LRRC69: variants seen among roughly 807,000 people sequenced by gnomAD.
The protein encoded by LRRC69 is leucine-rich repeat-containing protein 69.
Under a neutral mutation model 37.8 loss-of-function variants are expected in LRRC69, and 42 were observed. The observed-to-expected ratio is 1.11, with a 90% CI of 0.87 to 1.44. The LOEUF (loss-of-function observed/expected upper bound fraction) is 1.44, where lower values mean the gene tolerates loss of function less well. Ranked by LOEUF, LRRC69 falls within the 40% of genes most tolerant of loss-of-function variation. LRRC69 has a pLI of 0.00. For missense variants in LRRC69, 357 were observed against 401.9 expected (o/e 0.89, Z 0.96); for synonymous variants, 141 against 143.1 (o/e 0.99, Z 0.11).
chr8:91,157,451 T>C (rs1397432059), intron 5 of LRRC69: 15 of 1,605,388 alleles, frequency 9.3e-6, no homozygotes, highest in Non-Finnish European at 1.0e-5. Flanking sequence ...ATTGGGCCAA[T>C]GAAAATATGC....
chr8:91,133,968 T>C (rs1349554642), intron 4 of LRRC69, among the ~76,000 whole-genome samples: 1 of 151,954 alleles, frequency 6.6e-6, no homozygotes, highest in Non-Finnish European at 1.5e-5. Context: ...ATATATTTTA[T>C]CTGGTAACGA....
At chr8:91,217,405 G>T (rs976945137) in intron 7 of LRRC69, among the ~76,000 whole-genome samples, 2 of 152,044 alleles carry the variant, frequency 1.3e-5, no homozygotes, top group Non-Finnish European at 1.5e-5. Flanking sequence ...CTTTGTTTTG[G>T]CTTTGTTTTC....
At chr8:91,123,308 A>G (rs1232523452) in intron 1 of LRRC69, among the ~76,000 whole-genome samples, 1 of 152,098 alleles carries the variant, frequency 6.6e-6, no homozygotes, top group Non-Finnish European at 1.5e-5. Flanking sequence ...TGGATAAAAT[A>G]GCTACATGAA....
chr8:91,159,104 T>C (rs900001536), intron 5 of LRRC69, among the ~76,000 whole-genome samples: 2 of 151,270 alleles, frequency 1.3e-5, no homozygotes, highest in Non-Finnish European at 3.0e-5. Context: ...TTAAGGTTCA[T>C]TGAAATGTTT....
intron 1 of LRRC69, among the ~76,000 whole-genome samples, chr8:91,108,773 A>C (rs185959096): frequency 3.3e-4 from 50 of 152,074 alleles, no homozygotes; most frequent in African/African-American, 1.1e-3. Context: ...CATTAGTATT[A>C]GTGTATTTCA....
intron 7 of LRRC69, among the ~76,000 whole-genome samples, chr8:91,207,929 A>C (rs899617275): frequency 5.3e-5 from 8 of 152,222 alleles, no homozygotes; most frequent in African/African-American, 1.9e-4. Context: ...TAGAAGTCTG[A>C]GAGCAAGGTG....
At chr8:91,163,725 C>G (rs931033331) in intron 5 of LRRC69, among the ~76,000 whole-genome samples, 6 of 151,298 alleles carry the variant, frequency 4.0e-5, no homozygotes, top group African/African-American at 1.2e-4. Flanking sequence ...TAAATTTTAT[C>G]AGGTAGTTAA....
chr8:91,151,005 T>C (rs985277181), intron 5 of LRRC69, among the ~76,000 whole-genome samples: 9 of 152,080 alleles, frequency 5.9e-5, no homozygotes, highest in African/African-American at 1.7e-4. Flanking sequence ...GCTAGTGGTC[T>C]ATCAATTTTG....
chr8:91,206,720 A>T, intron 7 of LRRC69: 7 of 1,289,774 alleles, frequency 5.4e-6, no homozygotes, highest in Non-Finnish European at 7.1e-6. Context: ...AAGCAACAAC[A>T]GCCAGAATTT....
intron 7 of LRRC69, among the ~76,000 whole-genome samples, chr8:91,206,529 T>C (rs985327391): frequency 6.6e-6 from 1 of 152,220 alleles, no homozygotes; most frequent in African/African-American, 2.4e-5. Context: ...ATTTAATGAG[T>C]ACAGCGTGTC....
chr8:91,157,772 T>C (rs1808862303), intron 5 of LRRC69: 2 of 1,607,534 alleles, frequency 1.2e-6, no homozygotes, highest in South Asian at 1.1e-5. Flanking sequence ...AGAGAGGACA[T>C]ACTATATCGC....
At chr8:91,159,707 T>A (rs1245545941) in intron 5 of LRRC69, among the ~76,000 whole-genome samples, 1 of 151,134 alleles carries the variant, frequency 6.6e-6, no homozygotes, top group Non-Finnish European at 1.5e-5. Context: ...TGAGTTTTCT[T>A]AAAGTAAAAA....
At chr8:91,202,205 A>G (rs1369910987) in intron 7 of LRRC69, among the ~76,000 whole-genome samples, 1 of 143,670 alleles carries the variant, frequency 7.0e-6, no homozygotes, top group Non-Finnish European at 1.5e-5. Flanking sequence ...GACTCTGTCT[A>G]AAACAAAAAC....
At chr8:91,145,134 G>A (rs1808595832) in intron 5 of LRRC69, among the ~76,000 whole-genome samples, 1 of 151,870 alleles carries the variant, frequency 6.6e-6, no homozygotes, top group African/African-American at 2.4e-5. Flanking sequence ...ACAATTGTGG[G>A]AAAGAAACTC....
At chr8:91,142,930 C>T (rs1485958951) in intron 5 of LRRC69, among the ~76,000 whole-genome samples, 1 of 151,990 alleles carries the variant, frequency 6.6e-6, no homozygotes, top group African/African-American at 2.4e-5. Flanking sequence ...ACTCAAGGAA[C>T]ATTCTTTGGA....
chr8:91,217,720 A>C (rs972737580), intron 7 of LRRC69, among the ~76,000 whole-genome samples: 24 of 152,194 alleles, frequency 1.6e-4, no homozygotes, highest in Non-Finnish European at 1.5e-4. Flanking sequence ...TTGTGCCAGC[A>C]CAATGGGAAA....
At chr8:91,127,113 T>G in exon 3 of LRRC69, 1 of 1,548,846 alleles carries the variant, frequency 6.5e-7, no homozygotes, top group African/African-American at 1.4e-5. Flanking sequence ...TAATCCTGCT[T>G]AATCTGAACA....
At position 91,131,065 on chromosome 8, in the gene LRRC69, C is replaced by T. The variant is rs187443410; in HGVS notation, c.384-2045C>T. On this transcript the variant is annotated intron_variant, in intron 3 of 7. Transcript: ENST00000448384. ...TTTTGAAGAGACACAAATATTCAGA[C>T]CATAGCACTGTCATTTCTCCAATAC... 9.2e-5 allele frequency among the ~76,000 whole-genome samples: 14 copies of T among 152,102 alleles called. 1 individual carries two copies. Among genetic ancestry groups the T allele is most frequent in the African/African-American group, 2.9e-4 (12 of 41,550 alleles).
intron 6 of LRRC69, among the ~76,000 whole-genome samples, chr8:91,200,115 T>G (rs1195098839): frequency 6.6e-6 from 1 of 152,194 alleles, no homozygotes; most frequent in Non-Finnish European, 1.5e-5. Context: ...CTAGTTAAAT[T>G]GCAGATTTTG....
Sources: gnomAD v4.1 joint callset for allele counts (sites outside exome capture counted in the v4.1 genomes callset) on GRCh38, gnomAD v4.1.1 for gene constraint, MANE v1.5 for transcripts, NCBI Gene and HGNC (gene_info 2026-07-23, HGNC 2026-07-21) for gene names.